RYR2: variants seen among roughly 807,000 people sequenced by gnomAD.
RYR2 encodes cardiac muscle ryanodine receptor-calcium release channel.
A neutral mutation model predicts 601.1 loss-of-function variants in RYR2; 227 were observed. That is an observed-to-expected ratio of 0.38 (90% CI 0.34 to 0.42). RYR2 has a LOEUF of 0.42. Ranked by LOEUF, RYR2 falls within the 10% of genes least tolerant of loss-of-function variation. The pLI is 1.00. For synonymous variants in RYR2, 2,223 were observed against 2,175.1 expected (o/e 1.02, Z -0.61); for missense variants, 4,646 against 6,156.5 (o/e 0.75, Z 8.21).
At chr1:237,479,020 C>T (rs74147286) in intron 17 of RYR2, among the ~76,000 whole-genome samples, 10,642 of 152,252 alleles carry the variant, frequency 0.07, 513 homozygotes, top group African/African-American at 0.13. Context: ...CTGGAGGCTT[C>T]GTAACCCACC....
intron 1 of RYR2, among the ~76,000 whole-genome samples, chr1:237,051,271 C>T (rs1327688809): frequency 3.2e-4 from 35 of 107,848 alleles, no homozygotes; most frequent in African/African-American, 1.4e-3. Flanking sequence ...GTTCCCTACC[C>T]TCTCCTCCCC....
intron 80 of RYR2, among the ~76,000 whole-genome samples, chr1:237,747,498 G>A (rs779228152): frequency 5.9e-5 from 9 of 152,106 alleles, no homozygotes; most frequent in Non-Finnish European, 1.0e-4. Context: ...CATTAAGTAT[G>A]GAAGAACCAA....
intron 1 of RYR2, among the ~76,000 whole-genome samples, chr1:237,230,991 T>G (rs1426123962): frequency 6.6e-6 from 1 of 151,722 alleles, no homozygotes; most frequent in East Asian, 1.9e-4. Context: ...TGGTCGCTTT[T>G]TCCTGTGCAC....
intron 44 of RYR2, among the ~76,000 whole-genome samples, chr1:237,635,766 A>T (rs1248280112): frequency 6.6e-6 from 1 of 152,208 alleles, no homozygotes; most frequent in East Asian, 1.9e-4. Context: ...CTGTTCCTAC[A>T]TACCAGCCTG....
intron 7 of RYR2, 101 bp downstream of exon 7, chr1:237,374,896 T>C: frequency 1.2e-6 from 1 of 863,440 alleles, no homozygotes; most frequent in South Asian, 1.6e-5. Flanking sequence ...AATGTTCTTA[T>C]GGATGGAGTC....
At chr1:237,708,175 CA>C (rs1257533802) in intron 68 of RYR2, among the ~76,000 whole-genome samples, 1 of 151,916 alleles carries the variant, frequency 6.6e-6, no homozygotes, top group African/African-American at 2.4e-5. Flanking sequence ...ACAATGAATT[CA>C]GAATGTTATA....
At chr1:237,590,618 C>A (rs370824397) in intron 30 of RYR2, 22 bp from the exon 31 acceptor site, 2 of 1,486,028 alleles carry the variant, frequency 1.3e-6, no homozygotes, top group South Asian at 1.4e-5. Context: ...GGAATGTGAA[C>A]TATCGCTTCT....
At chr1:237,764,168 G>A (rs560440489) in intron 84 of RYR2, among the ~76,000 whole-genome samples, 30 of 152,192 alleles carry the variant, frequency 2.0e-4, no homozygotes, top group Admixed American at 7.9e-4. Context: ...TTTGATACCC[G>A]CAACCCTCCA....
intron 70 of RYR2, among the ~76,000 whole-genome samples, chr1:237,710,413 T>A (rs554870647): frequency 9.8e-5 from 15 of 152,312 alleles, no homozygotes; most frequent in African/African-American, 3.1e-4. Context: ...TAATATTTTT[T>A]AAATATGCAT....
chr1:237,611,804 T>C (rs903256243), intron 36 of RYR2, among the ~76,000 whole-genome samples: 35 of 152,356 alleles, frequency 2.3e-4, no homozygotes, highest in African/African-American at 7.2e-4. Flanking sequence ...CTTTAGATGT[T>C]CTTGGCATTT....
At chr1:237,742,147 T>A in intron 79 of RYR2, 149 bp from the exon 80 acceptor site, 1 of 612,536 alleles carries the variant, frequency 1.6e-6, no homozygotes. Context: ...ATTGATTATG[T>A]CATCTAAGCA....
At chr1:237,052,756 A>G (rs1124814) in intron 1 of RYR2, among the ~76,000 whole-genome samples, 65,940 of 151,880 alleles carry the variant, frequency 0.43, 14,971 homozygotes, top group African/African-American at 0.55. Flanking sequence ...GATGATTAAG[A>G]CACTTGAAAA....
intron 17 of RYR2, among the ~76,000 whole-genome samples, chr1:237,486,006 G>T (rs2927936): frequency 1.3e-5 from 2 of 151,910 alleles, no homozygotes; most frequent in Non-Finnish European, 2.9e-5. Context: ...AGGCTATTCA[G>T]TGAAAGGAGA....
chr1:237,123,918 C>T (rs1022174417), intron 1 of RYR2, among the ~76,000 whole-genome samples: 5 of 152,206 alleles, frequency 3.3e-5, no homozygotes, highest in South Asian at 2.1e-4. Flanking sequence ...CCACCCGCCT[C>T]GGCCTCCCAA....
chr1:237,481,809 CAAAAAA>C (rs553197529), intron 17 of RYR2, among the ~76,000 whole-genome samples: 4 of 46,874 alleles, frequency 8.5e-5, no homozygotes, highest in African/African-American at 2.2e-4. Context: ...TGCTGTGTAG[CAAAAAA>C]AAAAAAAAAA....
chr1:237,532,911 A>C (rs538996329), intron 25 of RYR2, among the ~76,000 whole-genome samples: 1 of 152,322 alleles, frequency 6.6e-6, no homozygotes, highest in South Asian at 2.1e-4. Context: ...TGTTGAAACA[A>C]ATGGGTTAAT....
chr1:237,195,872 G>A (rs1055200618), intron 1 of RYR2, among the ~76,000 whole-genome samples: 20 of 152,148 alleles, frequency 1.3e-4, no homozygotes, highest in African/African-American at 4.3e-4. Context: ...CTCAACCGAC[G>A]TTAACATTGC....
chr1:237,783,540 AT>A (rs1695299437), intron 89 of RYR2, 134 bp from the exon 90 acceptor site: 1 of 603,448 alleles, frequency 1.7e-6, no homozygotes, highest in Non-Finnish European at 2.9e-6. Flanking sequence ...ATAAATAATT[AT>A]CTTTTTATAG....
chr1:237,734,293 A>AAG (rs370551838), intron 79 of RYR2, among the ~76,000 whole-genome samples: 2 of 151,770 alleles, frequency 1.3e-5, no homozygotes, highest in African/African-American at 2.4e-5. Flanking sequence ...ACATGGCGGC[A>AAG]AGAGAGAGAG....
Sources: allele counts gnomAD v4.1 joint callset (sites outside exome capture counted in the v4.1 genomes callset), GRCh38; gene constraint gnomAD v4.1.1; transcripts MANE v1.5; gene names NCBI Gene and HGNC (gene_info 2026-07-23, HGNC 2026-07-21).